Variants in MAN1A2 observed in about 807,000 individuals in gnomAD.
MAN1A2 encodes mannosidase alpha class 1A member 2, also known as mannosyl-oligosaccharide 1,2-alpha-mannosidase IB.
In MAN1A2, 26 loss-of-function variants were observed where a neutral mutation model predicts 75.7. The observed-to-expected ratio is 0.34, with a 90% confidence interval of 0.25 to 0.48. MAN1A2 has a LOEUF of 0.48. Among genes scored for constraint, MAN1A2 ranks in the 20% least tolerant of loss-of-function variants. The probability of loss-of-function intolerance (pLI) is 0.99; values close to 1 mark genes in which losing one functional copy is unlikely to be tolerated. For synonymous variants in MAN1A2, 247 were observed against 264.6 expected, an observed-to-expected ratio of 0.93 and a Z score of 0.65; for missense variants, 562 against 775.5, an observed-to-expected ratio of 0.72 and a Z score of 3.27.
At chr1:117,516,828 G>T (rs1651727827) in intron 12 of MAN1A2, among the ~76,000 whole-genome samples, 2 of 152,080 alleles carry the variant, frequency 1.3e-5, no homozygotes, top group Non-Finnish European at 2.9e-5. Context: ...GAATTCACAG[G>T]ACAGTACCAG....
intron 6 of MAN1A2, among the ~76,000 whole-genome samples, chr1:117,449,172 C>T (rs1399527001): frequency 1.3e-5 from 2 of 152,110 alleles, no homozygotes; most frequent in African/African-American, 2.4e-5. Flanking sequence ...CTTCCCTACT[C>T]CCTGAGACAG....
chr1:117,482,821 A>G (rs912147720), intron 8 of MAN1A2, among the ~76,000 whole-genome samples: 1 of 152,052 alleles, frequency 6.6e-6, no homozygotes, highest in Admixed American at 6.6e-5. Context: ...TCCCATGCCT[A>G]TATCCTGAAT....
At chr1:117,428,639 ACTT>A (rs2101791442) in intron 5 of MAN1A2, among the ~76,000 whole-genome samples, 1 of 152,262 alleles carries the variant, frequency 6.6e-6, no homozygotes, top group Non-Finnish European at 1.5e-5. Flanking sequence ...AAAAAGACAC[ACTT>A]AATAGAGAGG....
In MAN1A2 at chr1:117,368,161, T is replaced by C. The variant is rs752416203; in HGVS notation, c.-23T>C. ...GACATAAGATGAGAACTTTCTAAAG[T>C]ATTCTCTCCAAGAGCGTAAACGATG... is the stretch of plus-strand genomic sequence containing the variant. On this transcript the variant is annotated 5_prime_UTR_variant, in exon 1 of 13. Transcript: ENST00000356554. 6.4e-7 allele frequency: 1 copy of C among 1,572,338 alleles called. No homozygotes were observed.
intron 5 of MAN1A2, among the ~76,000 whole-genome samples, chr1:117,430,335 G>A (rs1213907890): frequency 3.7e-4 from 47 of 126,796 alleles, no homozygotes; most frequent in Non-Finnish European, 7.2e-4. Context: ...CTCCCGGACG[G>A]GGTGGCTGCC....
rs1443672844 is a variant in MAN1A2, at chr1:117,417,862, GGCA to G, written c.775-2705_775-2703del. Among the ~76,000 whole-genome samples the G allele has an allele frequency of 8.6e-5, 13 of 151,914 alleles. No homozygotes were observed. The South Asian group carries it at 2.7e-3, about 32-fold the overall frequency. ...TAATCCCAGCACTTTGGGAGGTTGA[GGCA>G]GGAGGATCGCTTGAGCCCAGCTTGG... On this transcript the variant is annotated intron_variant, in intron 4 of 12. Transcript: ENST00000356554.
At position 117,440,563 on chromosome 1, in the gene MAN1A2, G is replaced by A. The variant is rs1648997203; in HGVS notation, c.856-1668G>A. 2.0e-5 allele frequency among the ~76,000 whole-genome samples: 3 copies of A among 151,866 alleles called. No individual in the cohort carries two copies. The East Asian group carries it at 5.8e-4, about 29-fold the overall frequency. On this transcript the variant is annotated intron_variant, in intron 5 of 12. Transcript: ENST00000356554. ...ATTAAGATTTATATACTATGTAAGG[G>A]ATTTTTTCTCAATGACATTAGGGTG... is the stretch of plus-strand genomic sequence containing the variant.
intron 3 of MAN1A2, among the ~76,000 whole-genome samples, chr1:117,412,880 C>G (rs992088054): frequency 2.6e-5 from 4 of 151,802 alleles, no homozygotes; most frequent in African/African-American, 7.2e-5. Context: ...AGGCCTTTTT[C>G]CACTCCAGAA....
Position 117,405,563 on chromosome 1 carries a change from T to A in MAN1A2, c.573T>A (p.Ala191=). ...REKIKEMMKH[A]WDNYRTYGWG... is the part of the protein sequence containing the mutation. ...TCTCTTTTCAGATGATGAAACATGC[T>A]TGGGATAACTATAGGACATATGGGT... The change falls in exon 3 of 13, where the codon GCT becomes GCA. Residue 191 remains alanine, a synonymous_variant. Coordinates refer to ENST00000356554, the MANE Select transcript of MAN1A2 (RefSeq NM_006699.5). The A allele has an allele frequency of 1.9e-6, 3 of 1,597,774 alleles. No individual in the cohort carries two copies. The highest frequency in any genetic ancestry group is 2.6e-6 in the Non-Finnish European group (3 of 1,165,450).
At chr1:117,429,185 G>A (rs1483328829) in intron 5 of MAN1A2, among the ~76,000 whole-genome samples, 1 of 147,238 alleles carries the variant, frequency 6.8e-6, no homozygotes, top group Non-Finnish European at 1.5e-5. Context: ...AAAATGAAAA[G>A]TCTCTCATGT....
rs1651932023 is a variant in MAN1A2 at position 117,523,682 on chromosome 1, C to T, written c.*725C>T. The T allele has an allele frequency of 6.3e-6, 1 of 158,364 alleles. No individual in the cohort carries two copies. Among genetic ancestry groups the T allele is most frequent in the South Asian group, 1.8e-4 (1 of 5,412 alleles). The allele number at this position is 158,364 out of a possible 1,614,324, so 9.8% of individuals were successfully genotyped here. ...TGGAATCATCGAAACTGCTATTTAT[C>T]ATAATCACCACTTATGAGCCTGGGT... On this transcript the variant is annotated 3_prime_UTR_variant, in exon 13 of 13. Coordinates refer to ENST00000356554, the MANE Select transcript of MAN1A2 (RefSeq NM_006699.5).
rs376746346 is a variant in MAN1A2, at chr1:117,511,616, A to C, written c.1793+8646A>C. Among the ~76,000 whole-genome samples the C allele has an allele frequency of 1.3e-4, 20 of 152,126 alleles. No homozygotes were observed. In the East Asian group the frequency reaches 2.7e-3, roughly 21 times the overall value. On this transcript the variant is annotated intron_variant, in intron 12 of 12. Coordinates refer to ENST00000356554, the MANE Select transcript of MAN1A2 (RefSeq NM_006699.5). ...TAAATATGTATTGAATTTGTTGATAAATTTTTAGTCTGTTAGGCAAGAAAA... is the reference window on the plus strand; with the variant it reads ...TAAATATGTATTGAATTTGTTGATACATTTTTAGTCTGTTAGGCAAGAAAA...
chr1:117,448,606 C>G (rs1295030641), intron 6 of MAN1A2, among the ~76,000 whole-genome samples: 1 of 152,184 alleles, frequency 6.6e-6, no homozygotes, highest in Non-Finnish European at 1.5e-5. Context: ...AGATTTGACA[C>G]TGCATCAGAA....
chr1:117,393,054 A>C (rs1474187287), intron 1 of MAN1A2, among the ~76,000 whole-genome samples: 1 of 152,202 alleles, frequency 6.6e-6, no homozygotes, highest in African/African-American at 2.4e-5. Context: ...ATGTGATACA[A>C]TTTGTCTTGT....
chr1:117,447,060 A>G (rs537608744), intron 6 of MAN1A2, among the ~76,000 whole-genome samples: 1 of 152,216 alleles, frequency 6.6e-6, no homozygotes, highest in East Asian at 1.9e-4. Flanking sequence ...TTTATCAGAT[A>G]TTAATGTAGC....
In MAN1A2 at chr1:117,512,344, C is replaced by G. The variant is rs530589479; in HGVS notation, c.1793+9374C>G. 2.5e-4 allele frequency among the ~76,000 whole-genome samples: 38 copies of G among 152,186 alleles called. No individual in the cohort carries two copies. In the South Asian group the frequency reaches 7.5e-3, roughly 30 times the overall value. ...GTTGGTAACCTAGAAAAGTGGTTCT[C>G]AAACCTGAGTGTACATCAGAATCAC... is the stretch of plus-strand genomic sequence containing the variant. On this transcript the variant is annotated intron_variant, in intron 12 of 12. Transcript: ENST00000356554.
chr1:117,459,620 A>G (rs1489095687), intron 6 of MAN1A2, among the ~76,000 whole-genome samples: 2 of 152,164 alleles, frequency 1.3e-5, no homozygotes, highest in African/African-American at 2.4e-5. Context: ...AGCCTCTACA[A>G]TTTTTCATTT....
chr1:117,458,521 A>ATTTTTTTTTTTTTTTT (rs1409683905), intron 6 of MAN1A2, among the ~76,000 whole-genome samples: 18 of 94,286 alleles, frequency 1.9e-4, no homozygotes, highest in African/African-American at 6.9e-4. Context: ...AGATATATAT[A>ATTTTTTTTTTTTTTTT]TATTTTTTTT....
chr1:117,416,348 T>G (rs1467055500), intron 4 of MAN1A2, among the ~76,000 whole-genome samples: 1 of 152,200 alleles, frequency 6.6e-6, no homozygotes, highest in Non-Finnish European at 1.5e-5. Flanking sequence ...TGTTGGTATC[T>G]GATCTTGTTC....
Sources: gnomAD v4.1 joint callset for allele counts (sites outside exome capture counted in the v4.1 genomes callset) on GRCh38, gnomAD v4.1.1 for gene constraint, MANE v1.5 for transcripts, NCBI Gene and HGNC (gene_info 2026-07-23, HGNC 2026-07-21) for gene names.